Variants in LY9 observed in about 807,000 individuals in gnomAD.
LY9 encodes the protein lymphocyte antigen 9, also known as T-lymphocyte surface antigen Ly-9.
A neutral mutation model predicts 64.6 loss-of-function variants in LY9; 59 were observed. The observed-to-expected ratio is 0.91, with a 90% confidence interval of 0.74 to 1.13. The LOEUF (loss-of-function observed/expected upper bound fraction) is 1.13, where lower values mean the gene tolerates loss of function less well. Ranked by LOEUF, LY9 falls within the 50% of genes most tolerant of loss-of-function variation. LY9 has a pLI of 0.00. For synonymous variants in LY9, 281 were observed against 308.5 expected (o/e 0.91, Z 0.93); for missense variants, 789 against 797.2 (o/e 0.99, Z 0.12).
intron 2 of LY9, chr1:160,810,669 C>T (rs558942794): frequency 2.0e-5 from 3 of 152,310 alleles, no homozygotes; most frequent in African/African-American, 7.2e-5. Flanking sequence ...AATTCATGTC[C>T]TTCTCACATG....
chr1:160,806,824 C>T (rs912493751), intron 2 of LY9, among the ~76,000 whole-genome samples: 1 of 152,202 alleles, frequency 6.6e-6, no homozygotes, highest in African/African-American at 2.4e-5. Flanking sequence ...TTCTAATCAG[C>T]TCTTTGTCTC....
At chr1:160,815,358 CAAAACAAAGG>C (rs1365279616) in intron 4 of LY9, 1 of 152,344 alleles carries the variant, frequency 6.6e-6, no homozygotes, top group Non-Finnish European at 1.5e-5. Flanking sequence ...CAAAACAAAA[CAAAACAAAGG>C]GACTGGGAAC....
At chr1:160,808,199 G>A (rs1168097647) in intron 2 of LY9, among the ~76,000 whole-genome samples, 2 of 152,172 alleles carry the variant, frequency 1.3e-5, no homozygotes, top group African/African-American at 4.8e-5. Context: ...CCCAGTCTCA[G>A]TCACAGCAGC....
intron 2 of LY9, chr1:160,812,199 T>C (rs1404952869): frequency 6.6e-6 from 1 of 152,252 alleles, no homozygotes; most frequent in African/African-American, 2.4e-5. Flanking sequence ...TGTCTTCACA[T>C]GGGTGTCCCT....
In LY9 at chr1:160,814,405, C is replaced by A; in HGVS notation, c.731-15C>A. ...GACAGTGACTGAAGCTGCAATGTCT[C>A]ATCTGTGACCCCAGATCCAGGAGCC... is the stretch of plus-strand genomic sequence containing the variant. On this transcript the variant is annotated splice_polypyrimidine_tract_variant and intron_variant, in intron 3 of 9. Coordinates refer to ENST00000263285, the MANE Select transcript of LY9 (RefSeq NM_002348.4). The A allele has an allele frequency of 6.3e-7, 1 of 1,581,352 alleles. No homozygotes were observed. Among genetic ancestry groups the A allele is most frequent in the Non-Finnish European group, 8.6e-7 (1 of 1,158,534 alleles).
At chr1:160,801,843 C>T (rs572598980) in intron 2 of LY9, 2 of 1,614,234 alleles carry the variant, frequency 1.2e-6, no homozygotes, top group East Asian at 4.5e-5. Flanking sequence ...CCACCGCACA[C>T]TCCTGGAGGG....
chr1:160,801,819 G>C (rs774423525), intron 2 of LY9: 12 of 1,614,030 alleles, frequency 7.4e-6, no homozygotes, highest in Admixed American at 6.7e-5. Flanking sequence ...GTCCGTCCAC[G>C]TCATCGAGGG....
intron 9 of LY9, among the ~76,000 whole-genome samples, chr1:160,825,811 G>A (rs1164442141): frequency 6.6e-6 from 1 of 152,110 alleles, no homozygotes; most frequent in Non-Finnish European, 1.5e-5. Flanking sequence ...TCAGGAGGCT[G>A]AGGCAGGAGA....
chr1:160,801,959 C>T, intron 2 of LY9: 1 of 1,607,250 alleles, frequency 6.2e-7, no homozygotes, highest in Non-Finnish European at 8.5e-7. Flanking sequence ...TCCGCCATCC[C>T]CACCTCACCG....
intron 2 of LY9, 171 bp from the exon 3 acceptor site, chr1:160,813,465 G>A (rs1298479976): frequency 3.2e-6 from 2 of 616,026 alleles, no homozygotes; most frequent in Admixed American, 2.9e-5. Context: ...GATGTTATGG[G>A]AGTACAGAGG....
chr1:160,824,269 C>T lies in LY9; in HGVS notation c.1899+20C>T, dbSNP rs371386555. On this transcript the variant is annotated intron_variant, in intron 9 of 9. Coordinates refer to ENST00000263285, the MANE Select transcript of LY9 (RefSeq NM_002348.4). ...CCTCAGGTGGTGAGAACTACATTCT[C>T]TGTATCCCAAGGCCCACAGAGTGAG... 6.2e-6 allele frequency: 10 copies of T among 1,613,908 alleles called. No homozygotes were observed. The African/African-American group carries it at 1.1e-4, about 17-fold the overall frequency.
intron 6 of LY9, among the ~76,000 whole-genome samples, chr1:160,818,742 G>A (rs1375850359): frequency 6.6e-6 from 1 of 152,046 alleles, no homozygotes; most frequent in Non-Finnish European, 1.5e-5. Flanking sequence ...GAGGGGAGGA[G>A]TGTACCACAA....
Position 160,813,698 on chromosome 1 carries a change from A to G in LY9, c.517A>G (p.Asn173Asp). ...SVKVSENFSC[N>D]ITLMCSVKGA... ...GAAGGTGTCTGAGAACTTCTCCTGT[A>G]ACATCACTCTAATGTGCTCCGTGAA... Residue 173 changes from asparagine (N) to aspartate (D), a missense_variant, in exon 3 of 10, where the codon AAC (asparagine) becomes GAC (aspartate). Coordinates refer to ENST00000263285, the MANE Select transcript of LY9 (RefSeq NM_002348.4). 6.2e-7 allele frequency: 1 copy of G among 1,614,168 alleles called. No homozygotes were observed. Among genetic ancestry groups the G allele is most frequent in the Non-Finnish European group, 8.5e-7 (1 of 1,179,996 alleles).
At chr1:160,815,779 C>G (rs550055050) in intron 4 of LY9, among the ~76,000 whole-genome samples, 1 of 152,326 alleles carries the variant, frequency 6.6e-6, no homozygotes, top group African/African-American at 2.4e-5. Flanking sequence ...CCCTTGGTGT[C>G]CAAAGACACT....
At chr1:160,824,047 A>T in intron 8 of LY9, 134 bp from the exon 9 acceptor site, 2 of 1,079,858 alleles carry the variant, frequency 1.9e-6, no homozygotes, top group Non-Finnish European at 2.7e-6. Flanking sequence ...CACCGTCCCC[A>T]CTGCACTAAG....
In LY9 at chr1:160,816,839, T is replaced by C; in HGVS notation, c.1318T>C (p.Phe440Leu). ...SNPVSRSSHQ[F>L]LSENICSGPE... ...CCCTGTCAGCAGGAGTTCCCACCAGTTTCTTTCTGAGAACATCTGTTCAGG... is the reference window on the plus strand; with the variant it reads ...CCCTGTCAGCAGGAGTTCCCACCAGCTTCTTTCTGAGAACATCTGTTCAGG... Residue 440 changes from phenylalanine (F) to leucine (L), a missense_variant, in exon 5 of 10, where the codon TTT becomes CTT. Transcript: ENST00000263285. 6.2e-7 allele frequency: 1 copy of C among 1,614,194 alleles called. No individual in the cohort carries two copies. Among genetic ancestry groups the C allele is most frequent in the Non-Finnish European group, 8.5e-7 (1 of 1,180,036 alleles).
chr1:160,797,888 CA>C (rs1666047619), intron 1 of LY9, among the ~76,000 whole-genome samples: 1 of 142,478 alleles, frequency 7.0e-6, no homozygotes, highest in Admixed American at 6.9e-5. Context: ...CACACACACA[CA>C]CGTATAGTGG....
chr1:160,799,972 C>T lies in LY9; in HGVS notation c.344C>T (p.Ser115Phe), dbSNP rs1666289527. 1 of 1,614,124 alleles carries T rather than the reference C, an allele frequency of 6.2e-7. No individual in the cohort carries two copies. Reference protein sequence around the residue: ...GRLDITKWSYSLCISNLTLND... With the variant: ...GRLDITKWSYFLCISNLTLND... ...CTAGACATCACCAAGTGGAGTTACT[C>T]CCTGTGCATCAGCAATCTGACTCTG... Residue 115 changes from serine (S) to phenylalanine (F), a missense_variant, in exon 2 of 10, where the codon TCC becomes TTC. Ser to Phe is a radical substitution (Grantham distance 155). Transcript: ENST00000263285.
chr1:160,814,610 T>C lies in LY9; in HGVS notation c.921T>C (p.Asp307=). 1 of 1,614,128 alleles carries C rather than the reference T, an allele frequency of 6.2e-7. No homozygotes were observed. Among genetic ancestry groups the C allele is most frequent in the Non-Finnish European group, 8.5e-7 (1 of 1,180,016 alleles). The part of the protein sequence containing the change: ...ATADPLIKSR[D]PYKNRVWVSS... ...CAGATCCACTCATTAAATCCAGGGATCCTTACAAGAACAGGGTGTGGGTCT... is the reference window on the plus strand; with the variant it reads ...CAGATCCACTCATTAAATCCAGGGACCCTTACAAGAACAGGGTGTGGGTCT... Residue 307 remains aspartate (D), a synonymous_variant, in exon 4 of 10, where the codon GAT becomes GAC. Transcript: ENST00000263285.
Sources: allele counts gnomAD v4.1 joint callset (sites outside exome capture counted in the v4.1 genomes callset), GRCh38; gene constraint gnomAD v4.1.1; transcripts MANE v1.5; gene names NCBI Gene and HGNC (gene_info 2026-07-23, HGNC 2026-07-21).